FHIT: variants seen among roughly 807,000 people sequenced by gnomAD.
FHIT encodes the protein bis(5'-adenosyl)-triphosphatase.
FHIT carries 19 observed loss-of-function variants against 17.9 expected under a neutral mutation model. The observed-to-expected ratio is 1.06, with a 90% CI of 0.74 to 1.56. FHIT has a LOEUF of 1.56. Ranked by LOEUF, FHIT falls within the 40% of genes most tolerant of loss-of-function variation. FHIT has a pLI of 0.00. For synonymous variants in FHIT, 81 were observed against 69.7 expected (o/e 1.16, Z -0.81); for missense variants, 248 against 189.2 (o/e 1.31, Z -1.82).
intron 5 of FHIT, among the ~76,000 whole-genome samples, chr3:60,162,357 G>A (rs920950932): frequency 6.6e-5 from 10 of 152,250 alleles, no homozygotes; most frequent in African/African-American, 2.4e-4. Flanking sequence ...TACAGAAGAG[G>A]TAGAATATAG....
intron 5 of FHIT, among the ~76,000 whole-genome samples, chr3:60,220,230 C>T (rs970585062): frequency 2.6e-5 from 4 of 152,076 alleles, no homozygotes; most frequent in Admixed American, 1.3e-4. Context: ...GTTTTGGGAA[C>T]ATTTTATGTA....
chr3:60,926,509 G>A (rs1229120952), intron 3 of FHIT, among the ~76,000 whole-genome samples: 2 of 152,162 alleles, frequency 1.3e-5, no homozygotes, highest in African/African-American at 4.8e-5. Flanking sequence ...TGAAACCAAT[G>A]AGAACAAAGA....
intron 8 of FHIT, among the ~76,000 whole-genome samples, chr3:59,868,792 T>C (rs887811390): frequency 1.3e-5 from 2 of 152,202 alleles, no homozygotes; most frequent in Non-Finnish European, 1.5e-5. Context: ...TAACCATTTG[T>C]AGGTCTAATT....
chr3:60,426,084 G>A lies in FHIT; in HGVS notation c.103+110776C>T, dbSNP rs1314018140. The stretch of plus-strand genomic sequence containing the variant: ...ATTTGTATTAATGCAATGGTCAAGA[G>A]CCTGGGCTCCAGAGCCAGACTTCCT... On this transcript the variant is annotated intron_variant, in intron 5 of 9. Coordinates refer to ENST00000492590, the MANE Select transcript of FHIT (RefSeq NM_002012.4). Among the ~76,000 whole-genome samples the A allele has an allele frequency of 2.0e-5, 3 of 152,248 alleles. No homozygotes were observed. The East Asian group carries it at 5.8e-4, about 29-fold the overall frequency.
chr3:61,039,179 A>G (rs963754318), intron 3 of FHIT, among the ~76,000 whole-genome samples: 3 of 152,164 alleles, frequency 2.0e-5, no homozygotes, highest in Non-Finnish European at 4.4e-5. Context: ...AAGACACTCA[A>G]TGTGGTGCCT....
intron 5 of FHIT, among the ~76,000 whole-genome samples, chr3:60,338,022 T>C (rs527827621): frequency 9.2e-5 from 14 of 152,294 alleles, no homozygotes; most frequent in Non-Finnish European, 1.8e-4. Context: ...TTTCAAATAA[T>C]GTTTCTTTTC....
At chr3:59,966,379 A>G (rs1707927349) in intron 7 of FHIT, among the ~76,000 whole-genome samples, 1 of 152,294 alleles carries the variant, frequency 6.6e-6, no homozygotes, top group South Asian at 2.1e-4. Flanking sequence ...AAGAATAAAT[A>G]TCTCTTTATC....
chr3:60,942,694 T>C (rs1294398132), intron 3 of FHIT, among the ~76,000 whole-genome samples: 1 of 152,194 alleles, frequency 6.6e-6, no homozygotes, highest in East Asian at 1.9e-4. Flanking sequence ...TTGTATTCTA[T>C]TTCATTTTTG....
At chr3:60,302,322 G>C (rs1166958404) in intron 5 of FHIT, among the ~76,000 whole-genome samples, 1 of 151,782 alleles carries the variant, frequency 6.6e-6, no homozygotes, top group African/African-American at 2.4e-5. Flanking sequence ...TCTCCTCCTG[G>C]CATATTTAAT....
intron 3 of FHIT, among the ~76,000 whole-genome samples, chr3:60,889,154 T>C (rs1705373245): frequency 6.6e-6 from 1 of 152,178 alleles, no homozygotes; most frequent in Non-Finnish European, 1.5e-5. Flanking sequence ...TTCTCCACGC[T>C]GCATAACCAT....
intron 5 of FHIT, among the ~76,000 whole-genome samples, chr3:60,333,561 A>G (rs1710093928): frequency 6.6e-6 from 1 of 152,194 alleles, no homozygotes; most frequent in African/African-American, 2.4e-5. Context: ...AGCAAATTTA[A>G]AAAGAAAAAA....
At chr3:60,955,211 A>G (rs1023964691) in intron 3 of FHIT, among the ~76,000 whole-genome samples, 19 of 152,126 alleles carry the variant, frequency 1.2e-4, no homozygotes, top group Non-Finnish European at 2.5e-4. Flanking sequence ...TTCACATAGG[A>G]ATATTATATA....
chr3:59,902,865 A>C (rs1704395835), intron 8 of FHIT, among the ~76,000 whole-genome samples: 2 of 152,200 alleles, frequency 1.3e-5, no homozygotes, highest in African/African-American at 4.8e-5. Flanking sequence ...CTGGCACTCT[A>C]ATGTCTGGCA....
chr3:60,184,895 C>A lies in FHIT; in HGVS notation c.104-170743G>T, dbSNP rs571794908. Among the ~76,000 whole-genome samples, 5 of 152,188 alleles carry A rather than the reference C, an allele frequency of 3.3e-5. No individual in the cohort carries two copies. In the South Asian group the frequency reaches 1.0e-3, roughly 32 times the overall value. ...ATAGTGTTTATTCTGCTGTTCGAAG[C>A]GACCCATCTTTGGCGCTTGGGAACT... On this transcript the variant is annotated intron_variant, in intron 5 of 9. Transcript: ENST00000492590.
At chr3:60,585,823 G>A (rs1197138564) in intron 4 of FHIT, among the ~76,000 whole-genome samples, 1 of 151,738 alleles carries the variant, frequency 6.6e-6, no homozygotes, top group Non-Finnish European at 1.5e-5. Flanking sequence ...ACTATTATAG[G>A]CATTATTACA....
intron 5 of FHIT, among the ~76,000 whole-genome samples, chr3:60,362,690 C>T (rs925516881): frequency 1.3e-5 from 2 of 152,212 alleles, no homozygotes; most frequent in African/African-American, 2.4e-5. Flanking sequence ...AACACCTCAC[C>T]TATTCAATAG....
At chr3:61,207,519 G>C (rs1020202923) in intron 1 of FHIT, among the ~76,000 whole-genome samples, 1 of 152,130 alleles carries the variant, frequency 6.6e-6, no homozygotes, top group Non-Finnish European at 1.5e-5. Flanking sequence ...TCTATTCAGA[G>C]ATTCAACTTC....
At chr3:60,816,427 T>C (rs190480029) in intron 4 of FHIT, among the ~76,000 whole-genome samples, 1 of 152,242 alleles carries the variant, frequency 6.6e-6, no homozygotes, top group African/African-American at 2.4e-5. Context: ...GTGCCTACTT[T>C]CTTGAAGTTT....
At chr3:60,657,340 G>A (rs1418021288) in intron 4 of FHIT, among the ~76,000 whole-genome samples, 1 of 152,168 alleles carries the variant, frequency 6.6e-6, no homozygotes, top group Non-Finnish European at 1.5e-5. Flanking sequence ...GCACCACAGA[G>A]CGAAGACTTT....
Sources: gnomAD v4.1 joint callset for allele counts (sites outside exome capture counted in the v4.1 genomes callset) on GRCh38, gnomAD v4.1.1 for gene constraint, MANE v1.5 for transcripts, NCBI Gene and HGNC (gene_info 2026-07-23, HGNC 2026-07-21) for gene names.